The following SLC8A1 variants were observed in gnomAD, a reference collection of about 807,000 sequenced individuals.
The protein encoded by SLC8A1 is sodium/calcium exchanger 1.
SLC8A1 carries 18 observed loss-of-function variants against 68.3 expected under a neutral mutation model. That is an observed-to-expected ratio of 0.26 (90% confidence interval 0.18 to 0.39). The LOEUF (loss-of-function observed/expected upper bound fraction) is 0.39. Among genes scored for constraint, SLC8A1 ranks in the 10% least tolerant of loss-of-function variants. SLC8A1 has a pLI of 1.00. For missense variants in SLC8A1, 985 were observed against 1,156.7 expected (o/e 0.85, Z 2.15); for synonymous variants, 475 against 415.5 (o/e 1.14, Z -1.74).
At chr2:40,272,812 G>A (rs1234659012) in intron 2 of SLC8A1, among the ~76,000 whole-genome samples, 1 of 152,202 alleles carries the variant, frequency 6.6e-6, no homozygotes, top group African/African-American at 2.4e-5. Context: ...TTTCAGCCTT[G>A]AGCTCACTCT....
upstream of SLC8A1, among the ~76,000 whole-genome samples, chr2:40,455,422 G>C (rs900333446): frequency 1.3e-5 from 2 of 152,002 alleles, no homozygotes; most frequent in African/African-American, 4.8e-5. Context: ...CATTGCTTCG[G>C]GCTTCTGAAA....
chr2:40,436,230 T>C (rs1185684387), intron 1 of SLC8A1, among the ~76,000 whole-genome samples: 1 of 152,154 alleles, frequency 6.6e-6, no homozygotes, highest in African/African-American at 2.4e-5. Flanking sequence ...ACTTAGAAGA[T>C]GCACAACATC....
At chr2:40,275,647 G>C (rs1184456087) in intron 2 of SLC8A1, among the ~76,000 whole-genome samples, 1 of 152,170 alleles carries the variant, frequency 6.6e-6, no homozygotes, top group Non-Finnish European at 1.5e-5. Context: ...TGTAGTCTGA[G>C]TTTCCCTGGC....
At chr2:40,171,164 T>C (rs557950699) in intron 4 of SLC8A1, among the ~76,000 whole-genome samples, 1 of 152,336 alleles carries the variant, frequency 6.6e-6, no homozygotes, top group South Asian at 2.1e-4. Flanking sequence ...TTCTCCTCTC[T>C]GACTCTCAGG....
intron 2 of SLC8A1, among the ~76,000 whole-genome samples, chr2:40,332,080 G>A (rs1377365709): frequency 6.6e-6 from 1 of 152,086 alleles, no homozygotes; most frequent in Non-Finnish European, 1.5e-5. Context: ...CTCCCTAAGT[G>A]TTGGGACTAT....
At chr2:40,211,892 A>G (rs554700885) in intron 2 of SLC8A1, among the ~76,000 whole-genome samples, 7 of 152,360 alleles carry the variant, frequency 4.6e-5, no homozygotes, top group African/African-American at 1.7e-4. Context: ...TGTCTGTCAC[A>G]CACTAAAAAC....
At chr2:40,236,020 G>A (rs1184747825) in intron 2 of SLC8A1, among the ~76,000 whole-genome samples, 1 of 151,764 alleles carries the variant, frequency 6.6e-6, no homozygotes, top group Non-Finnish European at 1.5e-5. Context: ...TTACTTCCAA[G>A]TATGTGGTCA....
intron 2 of SLC8A1, among the ~76,000 whole-genome samples, chr2:40,412,332 T>C (rs548927333): frequency 2.7e-4 from 41 of 152,292 alleles, no homozygotes; most frequent in Middle Eastern, 6.8e-3. Context: ...AATGTGTTAC[T>C]TCTCCTTCCC....
exon 2 of SLC8A1, chr2:40,428,772 T>C (rs776644717): frequency 9.3e-6 from 15 of 1,613,828 alleles, no homozygotes; most frequent in Non-Finnish European, 7.6e-6. Context: ...CTTCTGAAGC[T>C]TCAGAAGATA....
At chr2:40,133,805 G>A (rs141513557) in intron 7 of SLC8A1, among the ~76,000 whole-genome samples, 1 of 152,052 alleles carries the variant, frequency 6.6e-6, no homozygotes, top group Non-Finnish European at 1.5e-5. Context: ...GACATGAAAG[G>A]AAAGTCCATA....
At chr2:40,375,923 C>T (rs1679711517) in intron 2 of SLC8A1, among the ~76,000 whole-genome samples, 1 of 152,016 alleles carries the variant, frequency 6.6e-6, no homozygotes, top group Non-Finnish European at 1.5e-5. Flanking sequence ...GTCGCTTGAG[C>T]TTAGGAGGCA....
At chr2:40,456,313 T>C (rs1703015616), upstream of SLC8A1, among the ~76,000 whole-genome samples, 1 of 99,846 alleles carries the variant, frequency 1.0e-5, no homozygotes, top group African/African-American at 3.7e-5. Flanking sequence ...CGAGACTCCG[T>C]CTCAAAAAAA....
intron 4 of SLC8A1, among the ~76,000 whole-genome samples, chr2:40,171,465 ATTC>A (rs2047479546): frequency 6.6e-6 from 1 of 152,214 alleles, no homozygotes; most frequent in African/African-American, 2.4e-5. Flanking sequence ...TTATTAAATT[ATTC>A]ATGTTTATAT....
At chr2:40,364,074 C>T (rs1475470768) in intron 2 of SLC8A1, among the ~76,000 whole-genome samples, 2 of 151,964 alleles carry the variant, frequency 1.3e-5, no homozygotes, top group African/African-American at 2.4e-5. Flanking sequence ...AATTAAAAAG[C>T]TTTTATTTTC....
At chr2:40,352,854 G>C (rs891975195) in intron 2 of SLC8A1, among the ~76,000 whole-genome samples, 3 of 152,128 alleles carry the variant, frequency 2.0e-5, no homozygotes, top group Non-Finnish European at 4.4e-5. Flanking sequence ...ATCCAGGTGG[G>C]CTACTCCCTG....
chr2:40,111,391 G>A (rs1330253415), exon 8 of SLC8A1: 2 of 152,104 alleles, frequency 1.3e-5, no homozygotes, highest in African/African-American at 4.8e-5. Flanking sequence ...CATATTGACA[G>A]TTTGATACTA....
chr2:40,399,423 C>A (rs1021763392), intron 2 of SLC8A1, among the ~76,000 whole-genome samples: 2 of 152,072 alleles, frequency 1.3e-5, no homozygotes, highest in African/African-American at 2.4e-5. Flanking sequence ...GCCACTGCAA[C>A]CTTGCTGCAG....
chr2:40,418,277 A>G (rs537251052), intron 2 of SLC8A1, among the ~76,000 whole-genome samples: 1 of 152,300 alleles, frequency 6.6e-6, no homozygotes, highest in South Asian at 2.1e-4. Flanking sequence ...TTATTACATT[A>G]CATTATATTA....
At chr2:40,371,297 T>C (rs1472199392) in intron 2 of SLC8A1, among the ~76,000 whole-genome samples, 1 of 152,098 alleles carries the variant, frequency 6.6e-6, no homozygotes, top group African/African-American at 2.4e-5. Flanking sequence ...CCTTCATTGT[T>C]GCCTTTCAAA....
Sources: gnomAD v4.1 joint callset for allele counts (sites outside exome capture counted in the v4.1 genomes callset) on GRCh38, gnomAD v4.1.1 for gene constraint, MANE v1.5 for transcripts, NCBI Gene and HGNC (gene_info 2026-07-23, HGNC 2026-07-21) for gene names.